IGF1R: variants seen among roughly 807,000 people sequenced by gnomAD.
IGF1R encodes insulin-like growth factor 1 receptor.
IGF1R carries 44 observed loss-of-function variants against 144.6 expected under a neutral mutation model. The ratio of observed to expected loss-of-function variants is 0.30; its 90% CI spans 0.24 to 0.39. The LOEUF (loss-of-function observed/expected upper bound fraction) is 0.39. IGF1R is among the 10% of genes least tolerant of loss of function. The probability of loss-of-function intolerance (pLI) is 1.00; values close to 1 mark genes in which losing one functional copy is unlikely to be tolerated. For missense variants in IGF1R, 1,355 were observed against 1,833.7 expected (o/e 0.74, Z 4.77); for synonymous variants, 795 against 722.8 (o/e 1.10, Z -1.60).
intron 1 of IGF1R, among the ~76,000 whole-genome samples, chr15:98,672,569 C>CAAAAA (rs60559912): frequency 1.6e-5 from 1 of 61,646 alleles, no homozygotes; most frequent in Non-Finnish European, 3.9e-5. Flanking sequence ...GACTCCATCT[C>CAAAAA]AAAAAAAAAA....
Position 98,964,316 on chromosome 15 carries a change from A to G in IGF1R, c.*6874A>G, listed in dbSNP as rs2017342760. 1 of 231,770 alleles carries G rather than the reference A, an allele frequency of 4.3e-6. No homozygotes were observed. The highest frequency in any genetic ancestry group is 2.2e-5 in the African/African-American group (1 of 45,258). The allele number at this position is 231,770 out of a possible 1,614,324, so 14.4% of individuals were successfully genotyped here. A position where few individuals can be genotyped will look rare whatever the true frequency, so the allele number is the denominator to read the frequency against. On this transcript the variant is annotated 3_prime_UTR_variant, in exon 21 of 21. Coordinates refer to ENST00000650285, the MANE Select transcript of IGF1R (RefSeq NM_000875.5). The stretch of plus-strand genomic sequence containing the variant: ...CTAAAAAATCCTGTTTATATAAAAA[A>G]TCAGTAGATGAAAAAAATTTCAAAA...
intron 1 of IGF1R, among the ~76,000 whole-genome samples, chr15:98,674,487 C>A (rs2052980695): frequency 6.6e-6 from 1 of 152,138 alleles, no homozygotes; most frequent in African/African-American, 2.4e-5. Flanking sequence ...AGAGCGCGTT[C>A]AGAGGGCTCT....
At chr15:98,685,814 C>T (rs2141222382) in intron 1 of IGF1R, among the ~76,000 whole-genome samples, 2 of 152,372 alleles carry the variant, frequency 1.3e-5, no homozygotes, top group South Asian at 4.1e-4. Context: ...CTTGGAGCCG[C>T]AGCCTCCTTG....
intron 1 of IGF1R, among the ~76,000 whole-genome samples, chr15:98,666,258 C>T (rs1194086351): frequency 6.6e-6 from 1 of 151,928 alleles, no homozygotes; most frequent in Non-Finnish European, 1.5e-5. Flanking sequence ...AACCCTTGTG[C>T]CTTACTGGTG....
intron 1 of IGF1R, among the ~76,000 whole-genome samples, chr15:98,683,469 T>C (rs2053241845): frequency 6.6e-6 from 1 of 152,268 alleles, no homozygotes; most frequent in Non-Finnish European, 1.5e-5. Context: ...AAGGGACTTT[T>C]GCTTGTGTGG....
chr15:98,881,768 C>CATTT, intron 2 of IGF1R, among the ~76,000 whole-genome samples: 1 of 152,286 alleles, frequency 6.6e-6, no homozygotes, highest in African/African-American at 2.4e-5. Context: ...TTGGTGTGAA[C>CATTT]ATTTGGTCAT....
At chr15:98,947,814 C>T (rs2016611824) in intron 19 of IGF1R, among the ~76,000 whole-genome samples, 1 of 152,182 alleles carries the variant, frequency 6.6e-6, no homozygotes, top group Admixed American at 6.5e-5. Flanking sequence ...CCACCCTGGT[C>T]CCCCCACCTG....
At chr15:98,673,528 G>A (rs28368946) in intron 1 of IGF1R, among the ~76,000 whole-genome samples, 23,268 of 152,150 alleles carry the variant, frequency 0.15, 3,823 homozygotes, top group African/African-American at 0.41. Flanking sequence ...TTGCTTTTAA[G>A]GCAGAAACAC....
At chr15:98,806,932 G>A (rs1044409130) in intron 2 of IGF1R, among the ~76,000 whole-genome samples, 4 of 152,086 alleles carry the variant, frequency 2.6e-5, no homozygotes, top group African/African-American at 7.2e-5. Flanking sequence ...AGGCCGAGGT[G>A]GATAGATCAC....
chr15:98,728,508 C>A (rs1448447551), intron 2 of IGF1R, among the ~76,000 whole-genome samples: 2 of 152,356 alleles, frequency 1.3e-5, no homozygotes, highest in African/African-American at 4.8e-5. Context: ...TTCAGGGTCC[C>A]ACTCAGTTGT....
intron 13 of IGF1R, among the ~76,000 whole-genome samples, chr15:98,925,506 T>C (rs780697907): frequency 3.3e-5 from 5 of 152,234 alleles, no homozygotes; most frequent in Non-Finnish European, 5.9e-5. Flanking sequence ...GCATAACACA[T>C]AAAATAGCAA....
At chr15:98,798,663 G>C (rs994243454) in intron 2 of IGF1R, among the ~76,000 whole-genome samples, 2 of 152,070 alleles carry the variant, frequency 1.3e-5, no homozygotes, top group African/African-American at 4.8e-5. Flanking sequence ...GATGCACGTG[G>C]GATGTCCAGT....
At chr15:98,683,268 G>C (rs1178248233) in intron 1 of IGF1R, among the ~76,000 whole-genome samples, 7 of 152,110 alleles carry the variant, frequency 4.6e-5, no homozygotes, top group Admixed American at 4.6e-4. Flanking sequence ...CCTTTTCACG[G>C]ATACACCTCC....
chr15:98,784,544 A>G (rs555820753), intron 2 of IGF1R: 123 of 154,100 alleles, frequency 8.0e-4, no homozygotes, highest in African/African-American at 1.9e-3. Context: ...GTTAAGTCAT[A>G]CTTGACCATA....
At chr15:98,848,768 C>T (rs892661376) in intron 2 of IGF1R, among the ~76,000 whole-genome samples, 10 of 152,322 alleles carry the variant, frequency 6.6e-5, no homozygotes, top group African/African-American at 2.4e-4. Flanking sequence ...CAGAATAGAA[C>T]ATCTTCTGCC....
chr15:98,657,903 AT>A (rs2052521606), intron 1 of IGF1R, among the ~76,000 whole-genome samples: 1 of 152,140 alleles, frequency 6.6e-6, no homozygotes, highest in African/African-American at 2.4e-5. Context: ...ATTGACCCCT[AT>A]TCCGGGATCC....
At chr15:98,740,887 T>C (rs1440202110) in intron 2 of IGF1R, among the ~76,000 whole-genome samples, 1 of 152,164 alleles carries the variant, frequency 6.6e-6, no homozygotes, top group Non-Finnish European at 1.5e-5. Context: ...TTAAAAGATA[T>C]TTAGTGAAAT....
At chr15:98,752,932 A>AT (rs775327338) in intron 2 of IGF1R, among the ~76,000 whole-genome samples, 6,386 of 70,002 alleles carry the variant, frequency 0.091, 283 homozygotes, top group East Asian at 0.2. Context: ...AAATCATACT[A>AT]TTTTTTTTTT....
intron 1 of IGF1R, among the ~76,000 whole-genome samples, chr15:98,676,375 A>C (rs2053046241): frequency 6.6e-6 from 1 of 152,044 alleles, no homozygotes; most frequent in Non-Finnish European, 1.5e-5. Context: ...TGACCTTGCG[A>C]TCCGCCTGCC....
Sources: gnomAD v4.1 joint callset for allele counts (sites outside exome capture counted in the v4.1 genomes callset) on GRCh38, gnomAD v4.1.1 for gene constraint, MANE v1.5 for transcripts, NCBI Gene and HGNC (gene_info 2026-07-23, HGNC 2026-07-21) for gene names.